SLC22A23: variants seen among roughly 807,000 people sequenced by gnomAD.
SLC22A23 encodes the protein ion transporter protein.
SLC22A23 carries 26 observed loss-of-function variants against 61.0 expected under a neutral mutation model. The observed-to-expected ratio is 0.43, with a 90% CI of 0.31 to 0.59. The LOEUF (loss-of-function observed/expected upper bound fraction) is 0.59. Ranked by LOEUF, SLC22A23 falls within the 20% of genes least tolerant of loss-of-function variation. The probability of loss-of-function intolerance (pLI) is 0.11; values close to 1 mark genes in which losing one functional copy is unlikely to be tolerated. For synonymous variants in SLC22A23, 430 were observed against 413.9 expected (o/e 1.04, Z -0.47); for missense variants, 796 against 934.7 (o/e 0.85, Z 1.94).
At chr6:3,405,194 G>A (rs1768724518) in intron 3 of SLC22A23, among the ~76,000 whole-genome samples, 1 of 152,002 alleles carries the variant, frequency 6.6e-6, no homozygotes, top group Non-Finnish European at 1.5e-5. Context: ...CTGGGGGGCG[G>A]AGGTTGTAGC....
intron 8 of SLC22A23, chr6:3,284,268 G>A (rs963809013): frequency 2.9e-6 from 1 of 340,218 alleles, no homozygotes; most frequent in Admixed American, 4.3e-5. Flanking sequence ...GGGCAGGCTG[G>A]CATGTCCCTG....
chr6:3,382,825 G>A (rs1430377822), intron 3 of SLC22A23, among the ~76,000 whole-genome samples: 1 of 152,216 alleles, frequency 6.6e-6, no homozygotes, highest in East Asian at 1.9e-4. Context: ...TTATAGCAAG[G>A]GAAGGTGTAG....
At chr6:3,336,054 T>A (rs572181340) in intron 3 of SLC22A23, among the ~76,000 whole-genome samples, 4 of 150,124 alleles carry the variant, frequency 2.7e-5, no homozygotes, top group African/African-American at 9.9e-5. Flanking sequence ...GCGCCACTGC[T>A]CTCCGGCCTG....
At chr6:3,435,017 T>C (rs929086022) in intron 1 of SLC22A23, among the ~76,000 whole-genome samples, 10 of 152,074 alleles carry the variant, frequency 6.6e-5, no homozygotes, top group South Asian at 2.1e-4. Flanking sequence ...CACTGCTCCA[T>C]AGAAACCTGG....
chr6:3,321,325 T>C (rs184594488), intron 4 of SLC22A23, among the ~76,000 whole-genome samples: 8 of 152,314 alleles, frequency 5.3e-5, no homozygotes, highest in Middle Eastern at 3.4e-3. Context: ...GAGCTGGAGC[T>C]GTAAGCGGGA....
Position 3,327,581 on chromosome 6 carries a change from T to C in SLC22A23, c.914-3579A>G, listed in dbSNP as rs1581697360. On this transcript the variant is annotated intron_variant, in intron 3 of 9. Coordinates refer to ENST00000406686, the MANE Select transcript of SLC22A23 (RefSeq NM_015482.2). The surrounding 1 kb of genome is among the most constrained non-coding windows in gnomAD (Gnocchi z 4.1). ...GCCCAAGTTCAAATCCTGCTCCTGGTACATAGAAGCTGTGACCTTGGTTCA... is the reference window on the plus strand; with the variant it reads ...GCCCAAGTTCAAATCCTGCTCCTGGCACATAGAAGCTGTGACCTTGGTTCA... Among the ~76,000 whole-genome samples the C allele has an allele frequency of 6.6e-6, 1 of 152,340 alleles. No individual in the cohort carries two copies. The highest frequency in any genetic ancestry group is 1.5e-5 in the Non-Finnish European group (1 of 68,026).
chr6:3,434,038 G>C (rs1045567500), intron 1 of SLC22A23, among the ~76,000 whole-genome samples: 8 of 152,180 alleles, frequency 5.3e-5, no homozygotes, highest in Non-Finnish European at 1.2e-4. Flanking sequence ...GTGAAAGCTG[G>C]GTACAGTGGC....
At chr6:3,305,085 T>C (rs992484435) in intron 4 of SLC22A23, among the ~76,000 whole-genome samples, 1 of 152,146 alleles carries the variant, frequency 6.6e-6, no homozygotes, top group Admixed American at 6.5e-5. Flanking sequence ...ACCTTCCCCA[T>C]GACGGGATTT....
chr6:3,363,795 C>T (rs1250808067), intron 3 of SLC22A23, among the ~76,000 whole-genome samples: 1 of 152,270 alleles, frequency 6.6e-6, no homozygotes, highest in Admixed American at 6.5e-5. Flanking sequence ...GCTCAGCCAT[C>T]TACTACATGG....
rs1278022941 is a variant in SLC22A23 at position 3,410,438 on chromosome 6, T to C, written c.759-96A>G. The stretch of plus-strand genomic sequence containing the variant: ...GTGTCCAGCAGGCACTCAATATATG[T>C]TGAATGAGTACTGGGTAAAAAGTCC... On this transcript the variant is annotated intron_variant, in intron 2 of 9. Transcript: ENST00000406686. This position sits in a 1 kb window ranked among gnomAD's most constrained non-coding sequence, Gnocchi z 5.0. 2 of 1,312,230 alleles carry C rather than the reference T, an allele frequency of 1.5e-6. No individual in the cohort carries two copies. The highest frequency in any genetic ancestry group is 3.0e-5 in the African/African-American group (2 of 67,150). The allele number at this position is 1,312,230 out of a possible 1,614,324, so 81.3% of individuals were successfully genotyped here. A position where few individuals can be genotyped will look rare whatever the true frequency, so the allele number is the denominator to read the frequency against.
At chr6:3,451,199 AATT>A (rs767404678) in intron 1 of SLC22A23, among the ~76,000 whole-genome samples, 2 of 152,168 alleles carry the variant, frequency 1.3e-5, no homozygotes, top group Admixed American at 1.3e-4. Flanking sequence ...ACACTGTGCA[AATT>A]ATTATTATTT....
chr6:3,405,627 T>C (rs1768774129), intron 3 of SLC22A23, among the ~76,000 whole-genome samples: 2 of 151,976 alleles, frequency 1.3e-5, no homozygotes, highest in Non-Finnish European at 2.9e-5. Flanking sequence ...AATTTTTTTT[T>C]TTTTTTTTTA....
rs1766251394 is a variant in SLC22A23, at chr6:3,372,029, G to T, written c.913+38159C>A. 6.6e-6 allele frequency among the ~76,000 whole-genome samples: 1 copy of T among 152,210 alleles called. No homozygotes were observed. Among genetic ancestry groups the T allele is most frequent in the Non-Finnish European group, 1.5e-5 (1 of 68,052 alleles). ...ATCCCACGACCATCCCAGGAGGTAT[G>T]TACTCTCATCATCCCTAATTTACAG... On this transcript the variant is annotated intron_variant, in intron 3 of 9. Coordinates refer to ENST00000406686, the MANE Select transcript of SLC22A23 (RefSeq NM_015482.2). This position sits in a 1 kb window ranked among gnomAD's most constrained non-coding sequence, Gnocchi z 4.7.
rs945461270 is a variant in SLC22A23 at position 3,270,924 on chromosome 6, G to A, written c.*2131C>T. ...CTTCCACAACACAGTACAGTAAGTG[G>A]ACTGCAGGGTGGCCTGGTGCTGAGG... On this transcript the variant is annotated 3_prime_UTR_variant, in exon 10 of 10. Coordinates refer to ENST00000406686, the MANE Select transcript of SLC22A23 (RefSeq NM_015482.2). 1.3e-5 allele frequency: 2 copies of A among 152,390 alleles called. No homozygotes were observed. The highest frequency in any genetic ancestry group is 4.8e-5 in the African/African-American group (2 of 41,414). The allele number at this position is 152,390 out of a possible 1,614,324, so 9.4% of individuals were successfully genotyped here.
chr6:3,320,491 G>T (rs1762886353), intron 4 of SLC22A23, among the ~76,000 whole-genome samples: 1 of 152,108 alleles, frequency 6.6e-6, no homozygotes, highest in African/African-American at 2.4e-5. Flanking sequence ...GTACGCTGCT[G>T]GGCACCCTGG....
At chr6:3,403,653 A>AG (rs1174567715) in intron 3 of SLC22A23, among the ~76,000 whole-genome samples, 2 of 152,184 alleles carry the variant, frequency 1.3e-5, no homozygotes, top group South Asian at 2.1e-4. Flanking sequence ...TGGCACATCT[A>AG]GGGGGGTAAG....
Position 3,286,022 on chromosome 6 carries a change from C to G in SLC22A23, c.1546+837G>C, listed in dbSNP as rs1026714647. On this transcript the variant is annotated intron_variant, in intron 7 of 9. Coordinates refer to ENST00000406686, the MANE Select transcript of SLC22A23 (RefSeq NM_015482.2). The surrounding 1 kb of genome is among the most constrained non-coding windows in gnomAD (Gnocchi z 4.2). ...GATGCTGTGGTGGTTTGTCCATACA[C>G]GGGAATGGGTATTTGTTGGTGAGGA... Among the ~76,000 whole-genome samples the G allele has an allele frequency of 2.0e-5, 3 of 151,914 alleles. No homozygotes were observed. The highest frequency in any genetic ancestry group is 1.3e-4 in the Admixed American group (2 of 15,270).
At position 3,456,348 on chromosome 6, in the gene SLC22A23, G is replaced by A. The variant is rs1218345959; in HGVS notation, c.212C>T (p.Ala71Val). ...GPHPSCCSAA[A>V]APSLLLLDYD... ...GTCCAGCAACAAGAGGCTCGGGGCC[G>A]CAGCCGCGGAGCAGCAGCTCGGGTG... The change falls in exon 1 of 10, where the codon GCG becomes GTG. Residue 71 changes from alanine to valine, a missense_variant. Ala to Val is a moderately conservative substitution (Grantham distance 64). Coordinates refer to ENST00000406686, the MANE Select transcript of SLC22A23 (RefSeq NM_015482.2). The surrounding 1 kb of genome is among the most constrained non-coding windows in gnomAD (Gnocchi z 7.1). 1.9e-6 allele frequency: 3 copies of A among 1,547,940 alleles called. 1 individual carries two copies. Among genetic ancestry groups the A allele is most frequent in the Non-Finnish European group, 2.6e-6 (3 of 1,145,972 alleles).
intron 2 of SLC22A23, among the ~76,000 whole-genome samples, chr6:3,413,495 A>T (rs866783103): frequency 4.6e-5 from 7 of 152,352 alleles, no homozygotes; most frequent in Non-Finnish European, 8.8e-5. Flanking sequence ...GCAGTAACAA[A>T]CACAGCGAAG....
Sources: gnomAD v4.1 joint callset for allele counts (sites outside exome capture counted in the v4.1 genomes callset) on GRCh38, gnomAD v4.1.1 for gene constraint, Gnocchi (gnomAD v3.1) non-coding constraint, MANE v1.5 for transcripts, NCBI Gene and HGNC (gene_info 2026-07-23, HGNC 2026-07-21) for gene names.